Variants in CARHSP1 observed in about 807,000 individuals in gnomAD.
CARHSP1 encodes the protein calcium-regulated heat-stable protein 1.
A neutral mutation model predicts 12.5 loss-of-function variants in CARHSP1; 14 were observed. The observed-to-expected ratio is 1.12, with a 90% CI of 0.74 to 1.75. CARHSP1 has a LOEUF of 1.75. CARHSP1 is among the 40% of genes most tolerant of loss of function. CARHSP1 has a pLI of 0.00. For missense variants in CARHSP1, 343 were observed against 201.6 expected (o/e 1.70, Z -4.25); for synonymous variants, 161 against 82.0 (o/e 1.96, Z -5.20).
chr16:8,857,263 G>GTTTTTTTTTTTTTTTTTTTTT (rs756390920), intron 3 of CARHSP1, among the ~76,000 whole-genome samples: 7 of 57,034 alleles, frequency 1.2e-4, no homozygotes, highest in Admixed American at 3.3e-4. Flanking sequence ...GGGCAGATCT[G>GTTTTTTTTTTTTTTTTTTTTT]TTTTTTTTTT....
chr16:8,860,807 T>G (rs1248151223), intron 1 of CARHSP1, among the ~76,000 whole-genome samples: 2 of 151,808 alleles, frequency 1.3e-5, no homozygotes, highest in Non-Finnish European at 2.9e-5. Context: ...TCCCAGCACT[T>G]TGAGAGGCAG....
intron 1 of CARHSP1, among the ~76,000 whole-genome samples, chr16:8,864,934 G>T (rs911040543): frequency 1.3e-5 from 2 of 152,096 alleles, no homozygotes; most frequent in African/African-American, 4.8e-5. Flanking sequence ...GGAGACTTAC[G>T]GCCCAATCAT....
rs1213690410 is a variant in CARHSP1, at chr16:8,857,266, T to TTTTGTTTTTTG, written c.281+1083_281+1084insCAAAAAACAAA. 2.7e-3 allele frequency among the ~76,000 whole-genome samples: 41 copies of TTTTGTTTTTTG among 15,114 alleles called. 6 individuals are homozygous for TTTTGTTTTTTG. The highest frequency in any genetic ancestry group is 8.0e-3 in the African/African-American group (37 of 4,616). 9.9% of individuals were successfully genotyped at this position (15,114 alleles called of 152,430 possible). A position where few individuals can be genotyped will look rare whatever the true frequency, so the allele number is the denominator to read the frequency against. ...CTATGTGATCTTGGGCAGATCTGTT[T>TTTTGTTTTTTG]TTTTTTTTTTTTTTTTTTTTTTTTT... On this transcript the variant is annotated intron_variant, in intron 3 of 3. Transcript: ENST00000311052.
At chr16:8,865,100 G>A (rs186067771) in intron 1 of CARHSP1, among the ~76,000 whole-genome samples, 116 of 152,286 alleles carry the variant, frequency 7.6e-4, no homozygotes, top group Middle Eastern at 6.8e-3. Context: ...GCTCATTGAA[G>A]GAGACTCCAT....
rs762498611 is a variant in CARHSP1, at chr16:8,859,277, C to CTTAA, written c.51_52insTTAA (p.Val18LeufsTer12). The CTTAA allele has an allele frequency of 2.5e-6, 4 of 1,602,642 alleles. No individual in the cohort carries two copies. The African/African-American group carries it at 5.5e-5, about 22-fold the overall frequency. Reference sequence around the variant, plus strand: ...CTCCGAGGGGTGTCCAGCAGCCCGACTGAAGCTTGATGGGTGGGGGGCTGT... The same window carrying CTTAA: ...CTCCGAGGGGTGTCCAGCAGCCCGACTTAATGAAGCTTGATGGGTGGGGGGCTGT... On this transcript the variant is annotated frameshift_variant, in exon 2 of 4. Transcript: ENST00000311052. LOFTEE classifies it high-confidence loss of function.
At chr16:8,863,775 G>C (rs1030917527) in intron 1 of CARHSP1, among the ~76,000 whole-genome samples, 1 of 152,152 alleles carries the variant, frequency 6.6e-6, no homozygotes, top group Non-Finnish European at 1.5e-5. Context: ...ACTGGGGGGC[G>C]GGTAACCAGG....
intron 1 of CARHSP1, chr16:8,860,079 A>G: frequency 1.1e-6 from 1 of 942,872 alleles, no homozygotes; most frequent in Non-Finnish European, 1.3e-6. Context: ...GCCAGACACC[A>G]CAGGGAAGCA....
intron 1 of CARHSP1, among the ~76,000 whole-genome samples, 174 bp from the exon 2 acceptor site, chr16:8,859,509 G>T (rs1464051873): frequency 1.3e-5 from 2 of 151,710 alleles, no homozygotes; most frequent in African/African-American, 4.8e-5. Flanking sequence ...CCTACTCTGG[G>T]CTCCTGAAGC....
intron 1 of CARHSP1, chr16:8,866,397 G>T: frequency 1.0e-6 from 1 of 976,564 alleles, no homozygotes; most frequent in Non-Finnish European, 1.2e-6. Context: ...ATCGGGGTGA[G>T]ACTCTAGCAG....
In CARHSP1 at chr16:8,854,864, C is replaced by G; in HGVS notation, c.*300G>C. 4.0e-6 allele frequency: 1 copy of G among 249,462 alleles called. No homozygotes were observed. Among genetic ancestry groups the G allele is most frequent in the Non-Finnish European group, 7.6e-6 (1 of 131,016 alleles). 15.5% of individuals were successfully genotyped at this position (249,462 alleles called of 1,614,324 possible). A position where few individuals can be genotyped will look rare whatever the true frequency, so the allele number is the denominator to read the frequency against. On this transcript the variant is annotated 3_prime_UTR_variant, in exon 4 of 4. Transcript: ENST00000311052. ...CTGGAGAAATACCACCCTTGATCCA[C>G]TCCCTGGGATGGGGTTGGAACCTCC... is the stretch of plus-strand genomic sequence containing the variant.
At chr16:8,863,878 C>T (rs2061411618) in intron 1 of CARHSP1, among the ~76,000 whole-genome samples, 2 of 152,180 alleles carry the variant, frequency 1.3e-5, no homozygotes, top group Admixed American at 6.5e-5. Context: ...ACAGCAGCCC[C>T]GCCCACCAGC....
rs2061206509 is a variant in CARHSP1, at chr16:8,858,078, A to C, written c.281+272T>G. The C allele has an allele frequency of 6.4e-6, 3 of 471,184 alleles. No homozygotes were observed. In the Admixed American group the frequency reaches 1.1e-4, roughly 17 times the overall value. The allele number at this position is 471,184 out of a possible 1,614,324, so 29.2% of individuals were successfully genotyped here. A position where few individuals can be genotyped will look rare whatever the true frequency, so the allele number is the denominator to read the frequency against. On this transcript the variant is annotated intron_variant, in intron 3 of 3. Transcript: ENST00000311052. ...ACGCCCAGCACACACAAAACCTTAC[A>C]CACCCATTCACAAAGACACACCCAG... is the stretch of plus-strand genomic sequence containing the variant.
In CARHSP1 at chr16:8,855,474, C is replaced by G. The variant is rs2061069710; in HGVS notation, c.282-148G>C. The stretch of plus-strand genomic sequence containing the variant: ...AACCTCTTTCCAAAGAACTGCCCCT[C>G]CACCAGAGGGAGCTGCCACACTGCC... On this transcript the variant is annotated intron_variant, in intron 3 of 3. Coordinates refer to ENST00000311052, the MANE Select transcript of CARHSP1 (RefSeq NM_014316.4). 11 of 632,622 alleles carry G rather than the reference C, an allele frequency of 1.7e-5. No individual in the cohort carries two copies. The East Asian group carries it at 3.6e-4, about 21-fold the overall frequency. The allele number at this position is 632,622 out of a possible 1,614,324, so 39.2% of individuals were successfully genotyped here.
Position 8,859,168 on chromosome 16 carries a change from C to A in CARHSP1, c.158+3G>T. 1 of 1,594,944 alleles carries A rather than the reference C, an allele frequency of 6.3e-7. No individual in the cohort carries two copies. ...ACGCGTCCCCAGCCTGCTCCAGACT[C>A]ACGCCGAGAAGGTCCTCGTCCGGCG... On this transcript the variant is annotated splice_donor_region_variant and intron_variant, in intron 2 of 3. Coordinates refer to ENST00000311052, the MANE Select transcript of CARHSP1 (RefSeq NM_014316.4).
intron 1 of CARHSP1, chr16:8,861,798 A>C (rs2061363710): frequency 8.0e-7 from 1 of 1,245,696 alleles, no homozygotes; most frequent in Non-Finnish European, 1.0e-6. Flanking sequence ...CACAGGTCAT[A>C]GAGTCCTAGA....
chr16:8,860,092 G>A (rs760141323), intron 1 of CARHSP1: 69 of 975,664 alleles, frequency 7.1e-5, no homozygotes, highest in Admixed American at 1.8e-4. Flanking sequence ...GGGAAGCAGG[G>A]GCAAAAACTG....
chr16:8,867,878 AGAC>A (rs770137216), intron 1 of CARHSP1: 2 of 152,352 alleles, frequency 1.3e-5, no homozygotes, highest in Non-Finnish European at 2.9e-5. Flanking sequence ...TTGGGGACTT[AGAC>A]GACAATGGGA....
intron 1 of CARHSP1, among the ~76,000 whole-genome samples, chr16:8,866,989 G>T (rs2061465922): frequency 6.6e-6 from 1 of 152,214 alleles, no homozygotes; most frequent in Non-Finnish European, 1.5e-5. Context: ...GAACCCAAGG[G>T]GGCCTCCAAC....
At chr16:8,859,463 C>A (rs1416613002) in intron 1 of CARHSP1, 128 bp from the exon 2 acceptor site, 2 of 842,394 alleles carry the variant, frequency 2.4e-6, no homozygotes, top group South Asian at 1.9e-5. Flanking sequence ...GCACCATTGT[C>A]ACCTTGTCTG....
Sources: gnomAD v4.1 joint callset for allele counts (sites outside exome capture counted in the v4.1 genomes callset) on GRCh38, gnomAD v4.1.1 for gene constraint, MANE v1.5 for transcripts, NCBI Gene and HGNC (gene_info 2026-07-23, HGNC 2026-07-21) for gene names.